Variants in RGS5 observed in about 807,000 individuals in gnomAD.
RGS5 encodes the protein regulator of G-protein signalling 5.
A neutral mutation model predicts 18.9 loss-of-function variants in RGS5; 20 were observed. That is an observed-to-expected ratio of 1.06 (90% CI 0.74 to 1.54). The LOEUF (loss-of-function observed/expected upper bound fraction) is 1.54. RGS5 is among the 40% of genes most tolerant of loss of function. The probability of loss-of-function intolerance (pLI) is 0.00; values close to 1 mark genes in which losing one functional copy is unlikely to be tolerated. For synonymous variants in RGS5, 57 were observed against 76.2 expected (o/e 0.75, Z 1.31); for missense variants, 201 against 211.8 (o/e 0.95, Z 0.32).
intron 3 of RGS5, among the ~76,000 whole-genome samples, chr1:163,160,559 A>G (rs979659509): frequency 6.6e-5 from 10 of 152,196 alleles, no homozygotes; most frequent in Non-Finnish European, 1.3e-4. Flanking sequence ...AATAAGCTAG[A>G]GAAAGTTCCA....
intron 2 of RGS5, among the ~76,000 whole-genome samples, chr1:163,224,703 T>C (rs1169970664): frequency 6.6e-6 from 1 of 152,204 alleles, no homozygotes; most frequent in Non-Finnish European, 1.5e-5. Context: ...CACCAGCATT[T>C]GTTATTTTTT....
chr1:163,185,114 C>T (rs1204667197), intron 1 of RGS5, among the ~76,000 whole-genome samples: 1 of 152,124 alleles, frequency 6.6e-6, no homozygotes, highest in Non-Finnish European at 1.5e-5. Context: ...TAATCTTCCT[C>T]TCCTGAACCA....
intron 2 of RGS5, among the ~76,000 whole-genome samples, chr1:163,291,830 C>T (rs765682487): frequency 6.6e-6 from 1 of 152,146 alleles, no homozygotes; most frequent in Non-Finnish European, 1.5e-5. Context: ...TGAGTAATAA[C>T]TCCATTTCCT....
rs151039610 is a variant in RGS5, at chr1:163,269,912, C to G, written c.-281+36321G>C. Among the ~76,000 whole-genome samples, 638 of 152,248 alleles carry G rather than the reference C, an allele frequency of 4.2e-3. 3 individuals are homozygous for G. Among genetic ancestry groups the G allele is most frequent in the African/African-American group, 0.014 (591 of 41,572 alleles). ...TGACATTATACAGAATCTGTCAAAT[C>G]TAACTGGAAAGGCAGACATAAACTT... On this transcript the variant is annotated intron_variant, in intron 2 of 5. Coordinates refer to the RGS5 transcript ENST00000618415.
intron 2 of RGS5, 132 bp downstream of exon 2, chr1:163,168,126 A>C (rs963088362): frequency 5.5e-5 from 34 of 621,910 alleles, no homozygotes; most frequent in Non-Finnish European, 8.3e-6. Flanking sequence ...TTGCAAACCA[A>C]CTCTCTGAGG....
At chr1:163,304,120 G>A (rs573704304) in intron 2 of RGS5, 1 of 152,154 alleles carries the variant, frequency 6.6e-6, no homozygotes, top group South Asian at 2.1e-4. Flanking sequence ...TGTCCTATCT[G>A]GTCACTGATT....
At chr1:163,193,608 T>C (rs1288296220) in intron 1 of RGS5, among the ~76,000 whole-genome samples, 1 of 152,146 alleles carries the variant, frequency 6.6e-6, no homozygotes, top group African/African-American at 2.4e-5. Flanking sequence ...CAATTTCTAA[T>C]GCCTAGTCTG....
intron 2 of RGS5, among the ~76,000 whole-genome samples, chr1:163,266,873 A>G (rs1189631465): frequency 2.0e-5 from 3 of 152,144 alleles, no homozygotes; most frequent in Non-Finnish European, 4.4e-5. Context: ...AGCATTTTTA[A>G]AGAAATGGTA....
Position 163,160,293 on chromosome 1 carries a change from C to A in RGS5, c.217+1622G>T, listed in dbSNP as rs1657750606. Among the ~76,000 whole-genome samples the A allele has an allele frequency of 2.0e-5, 3 of 152,130 alleles. No individual in the cohort carries two copies. In the South Asian group the frequency reaches 6.2e-4, roughly 32 times the overall value. On this transcript the variant is annotated intron_variant, in intron 3 of 4. Transcript: ENST00000313961. ...GCAATAAATACCTGTGCTCAGAGTACTAGTATTCATAATTTATCAATAGGT... is the reference window on the plus strand; with the variant it reads ...GCAATAAATACCTGTGCTCAGAGTAATAGTATTCATAATTTATCAATAGGT...
intron 2 of RGS5, among the ~76,000 whole-genome samples, chr1:163,224,640 A>G (rs1391272933): frequency 1.3e-5 from 2 of 152,204 alleles, no homozygotes; most frequent in East Asian, 3.8e-4. Context: ...TAATGGCTGT[A>G]CTAATTTACA....
intron 4 of RGS5, among the ~76,000 whole-genome samples, chr1:163,150,781 G>C (rs1182780666): frequency 6.6e-6 from 1 of 152,156 alleles, no homozygotes; most frequent in African/African-American, 2.4e-5. Context: ...ACATCTACTA[G>C]TATCAAGGTA....
chr1:163,253,198 T>A (rs562295227), intron 2 of RGS5, among the ~76,000 whole-genome samples: 1 of 152,294 alleles, frequency 6.6e-6, no homozygotes, highest in South Asian at 2.1e-4. Context: ...CTGCTCCAGG[T>A]TTCCTGTGTC....
At chr1:163,195,423 G>A (rs1250220396) in intron 1 of RGS5, among the ~76,000 whole-genome samples, 1 of 151,526 alleles carries the variant, frequency 6.6e-6, no homozygotes, top group Non-Finnish European at 1.5e-5. Flanking sequence ...GGGAATCAGG[G>A]GGCAAGGGTG....
At chr1:163,214,017 A>T (rs375837826) in intron 1 of RGS5, among the ~76,000 whole-genome samples, 1 of 152,230 alleles carries the variant, frequency 6.6e-6, no homozygotes, top group Admixed American at 6.5e-5. Context: ...CAGATAATTA[A>T]TCGATTGAAC....
In RGS5 at chr1:163,188,327, A is replaced by G. The variant is rs879773573; in HGVS notation, c.44+14465T>C. 3.2e-4 allele frequency among the ~76,000 whole-genome samples: 48 copies of G among 152,328 alleles called. 1 individual carries two copies. Among genetic ancestry groups the G allele is most frequent in the Admixed American group, 5.9e-4 (9 of 15,308 alleles). ...CCTCAGTGTTGGACCAAGTTCAGGC[A>G]TAAGTTTGTCTGAGCTTTAGCCACT... On this transcript the variant is annotated intron_variant, in intron 1 of 4. Coordinates refer to ENST00000313961, the MANE Select transcript of RGS5 (RefSeq NM_003617.4).
At position 163,201,349 on chromosome 1, in the gene RGS5, C is replaced by T. The variant is rs140003449; in HGVS notation, c.44+1443G>A. ...ATACTAGGTAAGAGGAAAGAACAGG[C>T]TAATAGCAATAAATAGTATCCACCT... On this transcript the variant is annotated intron_variant, in intron 1 of 4. Coordinates refer to ENST00000313961, the MANE Select transcript of RGS5 (RefSeq NM_003617.4). Among the ~76,000 whole-genome samples the T allele has an allele frequency of 1.6e-3, 249 of 152,166 alleles. 2 individuals are homozygous for T. Among genetic ancestry groups the T allele is most frequent in the Admixed American group, 5.4e-3 (82 of 15,276 alleles).
At chr1:163,217,432 A>G in intron 1 of RGS5, 3 of 1,332,940 alleles carry the variant, frequency 2.3e-6, no homozygotes, top group Non-Finnish European at 2.9e-6. Flanking sequence ...ATAGAGCACT[A>G]TTGGCATCCT....
chr1:163,210,069 A>T (rs1429720823), intron 1 of RGS5, among the ~76,000 whole-genome samples: 1 of 151,886 alleles, frequency 6.6e-6, no homozygotes, highest in Non-Finnish European at 1.5e-5. Flanking sequence ...AGCTCACTAT[A>T]ACCTCTGCTT....
chr1:163,213,012 A>G (rs1203968783), intron 1 of RGS5: 1 of 152,130 alleles, frequency 6.6e-6, no homozygotes, highest in Non-Finnish European at 1.5e-5. Context: ...ATTGAACTGT[A>G]GCTCACACAA....
Sources: allele counts gnomAD v4.1 joint callset (sites outside exome capture counted in the v4.1 genomes callset), GRCh38; gene constraint gnomAD v4.1.1; transcripts MANE v1.5; gene names NCBI Gene and HGNC (gene_info 2026-07-23, HGNC 2026-07-21).